RBM34: variants seen among roughly 807,000 people sequenced by gnomAD.
RBM34 encodes RNA binding motif protein 34.
RBM34 carries 39 observed loss-of-function variants against 44.6 expected under a neutral mutation model. That is an observed-to-expected ratio of 0.87 (90% CI 0.68 to 1.14). RBM34 has a LOEUF of 1.14. Ranked by LOEUF, RBM34 falls within the 50% of genes most tolerant of loss-of-function variation. The pLI is 0.00. For missense variants in RBM34, 572 were observed against 517.9 expected, an observed-to-expected ratio of 1.10 and a Z score of -1.01; for synonymous variants, 194 against 184.0, an observed-to-expected ratio of 1.05 and a Z score of -0.44.
At position 235,138,111 on chromosome 1, in the gene RBM34, A is replaced by G; in HGVS notation, c.765T>C (p.Ala255=). 6.2e-7 allele frequency: 1 copy of G among 1,610,782 alleles called. No individual in the cohort carries two copies. Among genetic ancestry groups the G allele is most frequent in the Non-Finnish European group, 8.5e-7 (1 of 1,178,490 alleles). ...ATTACCTTTTCAATGCTTGCGTGGC[A>G]GCACTCTCCTCCTTAAACACAACAT... The part of the protein sequence containing the change: ...NAYVVFKEES[A]ATQALKRNGA... Residue 255 remains alanine, a synonymous_variant, in exon 7 of 11, where the codon GCT becomes GCC. Coordinates refer to ENST00000408888, the MANE Select transcript of RBM34 (RefSeq NM_015014.4).
At chr1:235,148,075 G>T (rs903466498) in intron 6 of RBM34, among the ~76,000 whole-genome samples, 1 of 152,060 alleles carries the variant, frequency 6.6e-6, no homozygotes, top group Non-Finnish European at 1.5e-5. Context: ...AATTCTCTCT[G>T]GAAAAACACA....
In RBM34 at chr1:235,152,668, T is replaced by G. The variant is rs372893274; in HGVS notation, c.657+38A>C. On this transcript the variant is annotated intron_variant, in intron 5 of 10. Coordinates refer to ENST00000408888, the MANE Select transcript of RBM34 (RefSeq NM_015014.4). ...TTCATCTGATTTAAATGCAATAAAT[T>G]TTAATATTATGTAATTTTACGGGGG... 25 of 1,589,728 alleles carry G rather than the reference T, an allele frequency of 1.6e-5. No individual in the cohort carries two copies. In the African/African-American group the frequency reaches 3.3e-4, roughly 21 times the overall value.
At chr1:235,160,022 G>A (rs899861693) in intron 3 of RBM34, 1 of 220,344 alleles carries the variant, frequency 4.5e-6, no homozygotes, top group African/African-American at 2.3e-5. Flanking sequence ...CGGAGGCCGA[G>A]GTGGGCAGAT....
chr1:235,160,402 GT>G (rs1662654153), intron 3 of RBM34, 108 bp downstream of exon 3: 1 of 1,401,346 alleles, frequency 7.1e-7, no homozygotes, highest in African/African-American at 1.4e-5. Flanking sequence ...CATAATAAAA[GT>G]TTTGAAAGAA....
intron 6 of RBM34, among the ~76,000 whole-genome samples, chr1:235,145,331 G>A (rs559571754): frequency 4.6e-5 from 7 of 150,570 alleles, no homozygotes; most frequent in African/African-American, 7.4e-5. Flanking sequence ...AGGCTGGAGC[G>A]TAGTGGTGCA....
chr1:235,159,229 AG>A (rs1339324360), intron 3 of RBM34, among the ~76,000 whole-genome samples: 1 of 150,842 alleles, frequency 6.6e-6, no homozygotes, highest in Non-Finnish European at 1.5e-5. Flanking sequence ...AAAAAAAAAA[AG>A]TTAATGAGGG....
intron 5 of RBM34, 147 bp from the exon 6 acceptor site, chr1:235,148,594 AATT>A: frequency 2.0e-6 from 1 of 511,880 alleles, no homozygotes; most frequent in Non-Finnish European, 3.0e-6. Context: ...CAACTGTCCT[AATT>A]TTTTTTTTTT....
At chr1:235,141,860 C>T (rs192022640) in intron 6 of RBM34, among the ~76,000 whole-genome samples, 32 of 152,244 alleles carry the variant, frequency 2.1e-4, no homozygotes, top group Admixed American at 2.0e-3. Flanking sequence ...CGAACAAATC[C>T]GAACATCAGA....
At chr1:235,135,962 G>T in intron 9 of RBM34, 72 bp downstream of exon 9, 3 of 1,348,058 alleles carry the variant, frequency 2.2e-6, no homozygotes, top group Non-Finnish European at 3.1e-6. Context: ...AAAACATTAA[G>T]TTACTACTCA....
At chr1:235,132,558 T>C (rs948331019) in intron 10 of RBM34, among the ~76,000 whole-genome samples, 1 of 152,150 alleles carries the variant, frequency 6.6e-6, no homozygotes, top group Non-Finnish European at 1.5e-5. Flanking sequence ...CTGCCCACCT[T>C]GCCCTCCCAA....
chr1:235,154,943 C>G lies in RBM34; in HGVS notation c.535G>C (p.Glu179Gln), dbSNP rs773113664. The G allele has an allele frequency of 1.9e-6, 3 of 1,614,034 alleles. No individual in the cohort carries two copies. In the Admixed American group the frequency reaches 5.0e-5, roughly 27 times the overall value. ...RKKIQINQEE[E>Q]RLKNERTVFV... ...ACAGTTCTCTCATTCTTTAATCTCT[C>G]TTCTTCTTGGTTGATTTGAATTTTC... The change falls in exon 4 of 11, where the codon GAG (glutamate) becomes CAG (glutamine). Residue 179 changes from glutamate to glutamine, a missense_variant. Physicochemically the swap from Glu to Gln is conservative, Grantham distance 29. Coordinates refer to ENST00000408888, the MANE Select transcript of RBM34 (RefSeq NM_015014.4).
intron 3 of RBM34, among the ~76,000 whole-genome samples, chr1:235,159,812 T>C (rs1201826044): frequency 4.1e-5 from 6 of 146,720 alleles, no homozygotes; most frequent in Non-Finnish European, 8.9e-5. Context: ...GAGGTTGCAG[T>C]GAGCTGAGAT....
intron 6 of RBM34, among the ~76,000 whole-genome samples, chr1:235,146,624 T>C (rs1039875092): frequency 2.0e-5 from 3 of 152,096 alleles, no homozygotes; most frequent in African/African-American, 7.2e-5. Context: ...TAAATTTTAT[T>C]TATTTATTTA....
At chr1:235,146,650 TAG>T (rs1324856239) in intron 6 of RBM34, among the ~76,000 whole-genome samples, 1 of 152,228 alleles carries the variant, frequency 6.6e-6, no homozygotes, top group Non-Finnish European at 1.5e-5. Flanking sequence ...AGACAGAGTC[TAG>T]CTCTGTCACC....
chr1:235,159,337 G>C (rs1662590099), intron 3 of RBM34, among the ~76,000 whole-genome samples: 1 of 151,872 alleles, frequency 6.6e-6, no homozygotes, highest in Admixed American at 6.6e-5. Context: ...GGATCATGAG[G>C]TCAAGAGTTC....
chr1:235,151,998 A>T lies in RBM34; in HGVS notation c.657+708T>A, dbSNP rs1482343366. Among the ~76,000 whole-genome samples the T allele has an allele frequency of 2.6e-5, 4 of 151,680 alleles. No individual in the cohort carries two copies. The East Asian group carries it at 7.7e-4, about 29-fold the overall frequency. On this transcript the variant is annotated intron_variant, in intron 5 of 10. Coordinates refer to ENST00000408888, the MANE Select transcript of RBM34 (RefSeq NM_015014.4). ...CAGTGAGCTGAGATCGCACCACTGCACTCCAGCCTGGGTGAGACACAGCGA... is the reference window on the plus strand; with the variant it reads ...CAGTGAGCTGAGATCGCACCACTGCTCTCCAGCCTGGGTGAGACACAGCGA...
At chr1:235,157,888 G>T (rs1033790695) in intron 3 of RBM34, among the ~76,000 whole-genome samples, 1 of 152,144 alleles carries the variant, frequency 6.6e-6, no homozygotes, top group African/African-American at 2.4e-5. Flanking sequence ...GCACAGTCAG[G>T]ACGGAGAATA....
At chr1:235,159,815 G>A (rs1662618435) in intron 3 of RBM34, among the ~76,000 whole-genome samples, 1 of 149,866 alleles carries the variant, frequency 6.7e-6, no homozygotes, top group Non-Finnish European at 1.5e-5. Context: ...GTTGCAGTGA[G>A]CTGAGATCAG....
intron 3 of RBM34, among the ~76,000 whole-genome samples, chr1:235,159,347 C>A (rs140084034): frequency 3.3e-5 from 5 of 151,768 alleles, no homozygotes; most frequent in African/African-American, 1.2e-4. Context: ...GTCAAGAGTT[C>A]GAGACCAGAC....
Sources: allele counts gnomAD v4.1 joint callset (sites outside exome capture counted in the v4.1 genomes callset), GRCh38; gene constraint gnomAD v4.1.1; transcripts MANE v1.5; gene names NCBI Gene and HGNC (gene_info 2026-07-23, HGNC 2026-07-21).